The following HIP1 variants were observed in gnomAD, a reference collection of about 807,000 sequenced individuals.
HIP1 encodes huntingtin interacting protein 1.
A neutral mutation model predicts 147.6 loss-of-function variants in HIP1; 65 were observed. The ratio of observed to expected loss-of-function variants is 0.44; its 90% CI spans 0.36 to 0.54. HIP1 has a LOEUF of 0.54. HIP1 is among the 20% of genes least tolerant of loss of function. The probability of loss-of-function intolerance (pLI) is 0.00; values close to 1 mark genes in which losing one functional copy is unlikely to be tolerated. For synonymous variants in HIP1, 479 were observed against 504.0 expected, an observed-to-expected ratio of 0.95 and a Z score of 0.67; for missense variants, 1,061 against 1,299.6, an observed-to-expected ratio of 0.82 and a Z score of 2.82.
chr7:75,721,038 CA>C (rs782224120), intron 1 of HIP1, among the ~76,000 whole-genome samples: 8,629 of 70,804 alleles, frequency 0.12, 251 homozygotes, highest in Middle Eastern at 0.21. Flanking sequence ...AACTCCATCT[CA>C]AAAAAAAAAA....
chr7:75,720,565 C>T (rs1221902275), intron 1 of HIP1, among the ~76,000 whole-genome samples: 13 of 152,198 alleles, frequency 8.5e-5, no homozygotes, highest in African/African-American at 3.1e-4. Context: ...TCTGTGGCTG[C>T]CAGCCTGCAA....
At chr7:75,660,684 A>G (rs1296914156) in intron 1 of HIP1, among the ~76,000 whole-genome samples, 1 of 152,162 alleles carries the variant, frequency 6.6e-6, no homozygotes, top group Non-Finnish European at 1.5e-5. Context: ...GGCATATGAA[A>G]ATAGTAAAGG....
At chr7:75,660,216 T>TA (rs66778859) in intron 1 of HIP1, among the ~76,000 whole-genome samples, 4,259 of 138,904 alleles carry the variant, frequency 0.031, 87 homozygotes, top group East Asian at 0.15. Context: ...CGATACGTGG[T>TA]AAAAAAAAAA....
chr7:75,653,926 T>C (rs925346246), intron 1 of HIP1, among the ~76,000 whole-genome samples: 1 of 152,194 alleles, frequency 6.6e-6, no homozygotes, highest in Admixed American at 6.5e-5. Flanking sequence ...GACTTCACCA[T>C]GCCAGGCCCT....
rs1794153620 is a variant in HIP1, at chr7:75,538,065, G to A, written c.*107C>T. The A allele has an allele frequency of 8.1e-6, 7 of 860,636 alleles. No homozygotes were observed. Among genetic ancestry groups the A allele is most frequent in the South Asian group, 8.0e-5 (6 of 74,718 alleles). 53.3% of individuals were successfully genotyped at this position (860,636 alleles called of 1,614,324 possible). ...TCCTCGGCACTGGGTAATGGCAGTG[G>A]TGTGGCTGCCCCTGGGACTCCAAGG... On this transcript the variant is annotated 3_prime_UTR_variant, in exon 31 of 31. Coordinates refer to ENST00000336926, the MANE Select transcript of HIP1 (RefSeq NM_005338.7).
chr7:75,589,656 C>T (rs1796414583), intron 4 of HIP1, among the ~76,000 whole-genome samples: 1 of 124,126 alleles, frequency 8.1e-6, no homozygotes, highest in African/African-American at 3.3e-5. Context: ...GTACTCTGGC[C>T]CAGGCAACAG....
intron 1 of HIP1, among the ~76,000 whole-genome samples, chr7:75,670,462 T>C (rs912368392): frequency 6.6e-6 from 1 of 152,172 alleles, no homozygotes; most frequent in Non-Finnish European, 1.5e-5. Flanking sequence ...CTCATGAGGC[T>C]CATTATCACT....
At position 75,578,958 on chromosome 7, in the gene HIP1, G is replaced by A. The variant is rs1370638920; in HGVS notation, c.604+2279C>T. On this transcript the variant is annotated intron_variant, in intron 7 of 30. Coordinates refer to ENST00000336926, the MANE Select transcript of HIP1 (RefSeq NM_005338.7). The stretch of plus-strand genomic sequence containing the variant: ...AGCCATCTGAGTAGCTGGGATTACA[G>A]GCACACACCATCAATCACGCCTGGC... 3.3e-5 allele frequency among the ~76,000 whole-genome samples: 5 copies of A among 151,996 alleles called. No individual in the cohort carries two copies. The East Asian group carries it at 9.7e-4, about 30-fold the overall frequency.
chr7:75,660,091 A>T (rs1321667728), intron 1 of HIP1, among the ~76,000 whole-genome samples: 5 of 151,598 alleles, frequency 3.3e-5, no homozygotes, highest in African/African-American at 1.2e-4. Flanking sequence ...GTGCCATTGT[A>T]CTCCAGCCTG....
At chr7:75,700,774 C>T (rs1028842491) in intron 1 of HIP1, among the ~76,000 whole-genome samples, 20 of 151,744 alleles carry the variant, frequency 1.3e-4, no homozygotes, top group Non-Finnish European at 2.6e-4. Flanking sequence ...GGCGCGATCT[C>T]GGCTCACTGC....
At chr7:75,679,029 C>A (rs1363561476) in intron 1 of HIP1, among the ~76,000 whole-genome samples, 1 of 152,148 alleles carries the variant, frequency 6.6e-6, no homozygotes, top group Non-Finnish European at 1.5e-5. Context: ...TCCTCACCTG[C>A]TTTTAAACTG....
chr7:75,686,843 CTTTTTTTT>C lies in HIP1; in HGVS notation c.120+51950_120+51957del, dbSNP rs55942242. 2.9e-4 allele frequency among the ~76,000 whole-genome samples: 23 copies of C among 80,140 alleles called. No homozygotes were observed. The East Asian group carries it at 3.3e-3, about 11-fold the overall frequency. 52.6% of individuals were successfully genotyped at this position (80,140 alleles called of 152,430 possible). ...TGCTACACCTGGTATTATTTTAGTT[CTTTTTTTT>C]TTTTTTTTTTTTTTTGTAGGTACAG... On this transcript the variant is annotated intron_variant, in intron 1 of 30. Coordinates refer to ENST00000336926, the MANE Select transcript of HIP1 (RefSeq NM_005338.7).
Position 75,573,751 on chromosome 7 carries a change from C to A in HIP1, c.745+10G>T. 2.5e-6 allele frequency: 4 copies of A among 1,611,868 alleles called. No homozygotes were observed. Among genetic ancestry groups the A allele is most frequent in the African/African-American group, 2.7e-5 (2 of 75,010 alleles). ...ATCTCATGTAAGAAGATCTGGCCCG[C>A]GGTACTCACAGGAGTGGAGTTTGAA... On this transcript the variant is annotated intron_variant, in intron 8 of 30. Transcript: ENST00000336926.
chr7:75,657,467 T>C (rs1430552054), intron 1 of HIP1, among the ~76,000 whole-genome samples: 1 of 150,410 alleles, frequency 6.6e-6, no homozygotes, highest in Non-Finnish European at 1.5e-5. Context: ...GAGGTGGAGA[T>C]TGCAGTGAGC....
Position 75,550,773 on chromosome 7 carries a change from T to C in HIP1, c.2296-1772A>G, listed in dbSNP as rs1197094315. On this transcript the variant is annotated intron_variant, in intron 22 of 30. Transcript: ENST00000336926. ...ATGCATCCCTATTAAGTTTGAATGTTTGAGTCTTTATATAAAAGGAATCCT... is the reference window on the plus strand; with the variant it reads ...ATGCATCCCTATTAAGTTTGAATGTCTGAGTCTTTATATAAAAGGAATCCT... 7.2e-5 allele frequency among the ~76,000 whole-genome samples: 11 copies of C among 152,334 alleles called. No homozygotes were observed. The East Asian group carries it at 2.1e-3, about 29-fold the overall frequency.
At chr7:75,706,081 G>T (rs1751149819) in intron 1 of HIP1, among the ~76,000 whole-genome samples, 1 of 151,998 alleles carries the variant, frequency 6.6e-6, no homozygotes, top group Non-Finnish European at 1.5e-5. Context: ...TTTTAGTAGA[G>T]ATGGGGTTTC....
At chr7:75,594,755 C>T (rs1796628126) in intron 2 of HIP1, among the ~76,000 whole-genome samples, 1 of 152,190 alleles carries the variant, frequency 6.6e-6, no homozygotes, top group Non-Finnish European at 1.5e-5. Flanking sequence ...GCCTGGGCGA[C>T]AGAGCGAGAC....
intron 28 of HIP1, among the ~76,000 whole-genome samples, chr7:75,542,570 G>T (rs1554490124): frequency 6.6e-6 from 1 of 151,870 alleles, no homozygotes; most frequent in Non-Finnish European, 1.5e-5. Context: ...ATGGTGGCGG[G>T]CGCCTGTAAT....
At chr7:75,586,426 C>A (rs1010007884) in intron 5 of HIP1, among the ~76,000 whole-genome samples, 2 of 151,914 alleles carry the variant, frequency 1.3e-5, no homozygotes, top group African/African-American at 2.4e-5. Flanking sequence ...AGTCTTGAAC[C>A]CCTGACCTCG....
Sources: allele counts gnomAD v4.1 joint callset (sites outside exome capture counted in the v4.1 genomes callset), GRCh38; gene constraint gnomAD v4.1.1; transcripts MANE v1.5; gene names NCBI Gene and HGNC (gene_info 2026-07-23, HGNC 2026-07-21).